The following SLC44A1 variants were observed in gnomAD, a reference collection of about 807,000 sequenced individuals.
SLC44A1 encodes choline transporter-like protein 1.
A neutral mutation model predicts 79.3 loss-of-function variants in SLC44A1; 26 were observed. That is an observed-to-expected ratio of 0.33 (90% CI 0.24 to 0.46). SLC44A1 has a LOEUF of 0.46. Among genes scored for constraint, SLC44A1 ranks in the 20% least tolerant of loss-of-function variants. SLC44A1 has a pLI of 1.00. For missense variants in SLC44A1, 688 were observed against 798.1 expected, an observed-to-expected ratio of 0.86 and a Z score of 1.66; for synonymous variants, 263 against 286.2, an observed-to-expected ratio of 0.92 and a Z score of 0.82.
chr9:105,252,538 G>T (rs530558272), intron 1 of SLC44A1, among the ~76,000 whole-genome samples: 1 of 152,136 alleles, frequency 6.6e-6, no homozygotes, highest in Non-Finnish European at 1.5e-5. Context: ...TACATGTCAC[G>T]TATGGAGCAA....
chr9:105,386,580 CT>C (rs530690936), intron 15 of SLC44A1: 2,323 of 213,720 alleles, frequency 0.011, no homozygotes, highest in Non-Finnish European at 0.016. Flanking sequence ...GATTTTTTGC[CT>C]TTTTTTTTTT....
intron 15 of SLC44A1, chr9:105,386,581 T>A: frequency 5.6e-6 from 1 of 178,186 alleles, no homozygotes; most frequent in Non-Finnish European, 1.0e-5. Context: ...ATTTTTTGCC[T>A]TTTTTTTTTT....
chr9:105,347,782 A>G (rs1827285700), intron 4 of SLC44A1, among the ~76,000 whole-genome samples: 2 of 152,078 alleles, frequency 1.3e-5, no homozygotes, highest in South Asian at 2.1e-4. Context: ...ATTTACAGTT[A>G]GGAATGTTTC....
At chr9:105,297,571 C>T (rs569688435) in intron 1 of SLC44A1, among the ~76,000 whole-genome samples, 18 of 152,122 alleles carry the variant, frequency 1.2e-4, no homozygotes, top group Admixed American at 7.9e-4. Flanking sequence ...TTAGTAGAGA[C>T]GGGGTTTCTC....
chr9:105,247,714 G>C (rs1829490987), intron 1 of SLC44A1, among the ~76,000 whole-genome samples: 1 of 152,158 alleles, frequency 6.6e-6, no homozygotes, highest in African/African-American at 2.4e-5. Flanking sequence ...CTACTGCAGT[G>C]CCTCACTGTA....
chr9:105,396,670 A>G lies in SLC44A1; in HGVS notation c.*7614A>G, dbSNP rs780921251. 4 of 984,364 alleles carry G rather than the reference A, an allele frequency of 4.1e-6. No individual in the cohort carries two copies. Among genetic ancestry groups the G allele is most frequent in the Non-Finnish European group, 4.8e-6 (4 of 829,826 alleles). 61.0% of individuals were successfully genotyped at this position (984,364 alleles called of 1,614,324 possible). On this transcript the variant is annotated 3_prime_UTR_variant, in exon 16 of 16. Transcript: ENST00000374720. ...ATTTCTCGCAGCTGTGTAATGTGGC[A>G]TGAGAAGTATGTTTTGGTGCCACAT...
chr9:105,287,673 G>C (rs377115924), intron 1 of SLC44A1, among the ~76,000 whole-genome samples: 1 of 146,464 alleles, frequency 6.8e-6, no homozygotes, highest in East Asian at 1.9e-4. Context: ...CTTGCAGGTG[G>C]GGAGGTCAGT....
Position 105,270,379 on chromosome 9 carries a change from C to G in SLC44A1, c.36+25475C>G, listed in dbSNP as rs75724346. ...TTAGCTGCCTACAGTTCTTTCTCCA[C>G]TCAATAGCCTGAGTGATCAAAAAGG... is the stretch of plus-strand genomic sequence containing the variant. On this transcript the variant is annotated intron_variant, in intron 1 of 15. Transcript: ENST00000374720. Among the ~76,000 whole-genome samples, 28 of 152,314 alleles carry G rather than the reference C, an allele frequency of 1.8e-4. No homozygotes were observed. In the East Asian group the frequency reaches 5.0e-3, roughly 27 times the overall value.
intron 1 of SLC44A1, among the ~76,000 whole-genome samples, chr9:105,255,822 C>T (rs1196721335): frequency 6.6e-6 from 1 of 152,174 alleles, no homozygotes; most frequent in African/African-American, 2.4e-5. Context: ...GCCTGAGTTT[C>T]ACCAGCTATA....
chr9:105,246,086 A>C (rs952630450), intron 1 of SLC44A1, among the ~76,000 whole-genome samples: 1 of 152,096 alleles, frequency 6.6e-6, no homozygotes, highest in Admixed American at 6.5e-5. Flanking sequence ...TGTTTGTTTT[A>C]GGGGGCAGAA....
chr9:105,273,192 A>G (rs981008677), intron 1 of SLC44A1, among the ~76,000 whole-genome samples: 4 of 152,072 alleles, frequency 2.6e-5, no homozygotes, highest in East Asian at 1.9e-4. Flanking sequence ...GGGTTTTGTC[A>G]TGTTGGCCAG....
chr9:105,359,352 A>G (rs2131404975), intron 7 of SLC44A1, among the ~76,000 whole-genome samples: 1 of 152,318 alleles, frequency 6.6e-6, no homozygotes, highest in Admixed American at 6.5e-5. Flanking sequence ...AGAATAAACA[A>G]TGACCTTAGG....
At chr9:105,284,951 CT>C (rs1830440737) in intron 1 of SLC44A1, among the ~76,000 whole-genome samples, 1 of 152,182 alleles carries the variant, frequency 6.6e-6, no homozygotes, top group African/African-American at 2.4e-5. Flanking sequence ...TCAACTCCCA[CT>C]TTCTGTCTCT....
chr9:105,403,207 A>G (rs1828981329), intron 15 of SLC44A1, among the ~76,000 whole-genome samples: 1 of 152,178 alleles, frequency 6.6e-6, no homozygotes, highest in African/African-American at 2.4e-5. Flanking sequence ...ATATGGTCAC[A>G]GTGCATTGAA....
intron 1 of SLC44A1, among the ~76,000 whole-genome samples, chr9:105,253,890 AT>A (rs1325166402): frequency 6.6e-6 from 1 of 152,096 alleles, no homozygotes; most frequent in Non-Finnish European, 1.5e-5. Flanking sequence ...CACCTGGCTA[AT>A]TTTATGTATT....
intron 7 of SLC44A1, 62 bp downstream of exon 7, chr9:105,358,495 A>T: frequency 2.3e-6 from 2 of 851,468 alleles, no homozygotes; most frequent in Admixed American, 4.1e-5. Context: ...AGAAAATAGA[A>T]ATATAAAGAA....
intron 5 of SLC44A1, among the ~76,000 whole-genome samples, chr9:105,351,624 G>GAGAA (rs1588818705): frequency 2.9e-4 from 16 of 54,878 alleles, no homozygotes; most frequent in Non-Finnish European, 5.5e-4. Flanking sequence ...GAAAGAAAGA[G>GAGAA]AGAGAAAGAG....
intron 1 of SLC44A1, among the ~76,000 whole-genome samples, chr9:105,272,054 C>T (rs577823149): frequency 6.6e-6 from 1 of 151,872 alleles, no homozygotes; most frequent in South Asian, 2.1e-4. Flanking sequence ...TTATTTTTTC[C>T]TCATCTTCAA....
In SLC44A1 at chr9:105,244,865, C is replaced by A; in HGVS notation, c.-4C>A. On this transcript the variant is annotated 5_prime_UTR_variant, in exon 1 of 16. Transcript: ENST00000374720. Reference sequence around the variant, plus strand: ...CGCCGCCTCCGGGCTCCTTCGGCCCCGCCATGGGCTGCTGCAGCTCCGCCT... The same window carrying A: ...CGCCGCCTCCGGGCTCCTTCGGCCCAGCCATGGGCTGCTGCAGCTCCGCCT... 1.7e-6 allele frequency: 2 copies of A among 1,151,202 alleles called. No individual in the cohort carries two copies. Among genetic ancestry groups the A allele is most frequent in the Non-Finnish European group, 2.1e-6 (2 of 937,616 alleles). 71.3% of individuals were successfully genotyped at this position (1,151,202 alleles called of 1,614,324 possible).
Sources: allele counts gnomAD v4.1 joint callset (sites outside exome capture counted in the v4.1 genomes callset), GRCh38; gene constraint gnomAD v4.1.1; transcripts MANE v1.5; gene names NCBI Gene and HGNC (gene_info 2026-07-23, HGNC 2026-07-21).